The following RABGAP1L variants were observed in gnomAD, a reference collection of about 807,000 sequenced individuals.
The protein encoded by RABGAP1L is rab GTPase-activating protein 1-like.
RABGAP1L carries 63 observed loss-of-function variants against 137.7 expected under a neutral mutation model. The observed-to-expected ratio is 0.46, with a 90% CI of 0.37 to 0.56. The LOEUF (loss-of-function observed/expected upper bound fraction) is 0.56, where lower values mean the gene tolerates loss of function less well. Among genes scored for constraint, RABGAP1L ranks in the 20% least tolerant of loss-of-function variants. The probability of loss-of-function intolerance (pLI) is 0.00; values close to 1 mark genes in which losing one functional copy is unlikely to be tolerated. For synonymous variants in RABGAP1L, 431 were observed against 433.7 expected, an observed-to-expected ratio of 0.99 and a Z score of 0.08; for missense variants, 1,095 against 1,244.0, an observed-to-expected ratio of 0.88 and a Z score of 1.80.
intron 11 of RABGAP1L, among the ~76,000 whole-genome samples, chr1:174,316,278 T>C (rs919104711): frequency 6.6e-5 from 10 of 152,234 alleles, no homozygotes; most frequent in Non-Finnish European, 7.3e-5. Context: ...CATATTTTCC[T>C]GGATGGTGTT....
chr1:174,401,426 G>T (rs1648569539), intron 13 of RABGAP1L, among the ~76,000 whole-genome samples: 1 of 152,138 alleles, frequency 6.6e-6, no homozygotes, highest in African/African-American at 2.4e-5. Context: ...CCCGTGATGG[G>T]GAATGAGGAA....
chr1:174,689,957 A>G (rs191025886), intron 15 of RABGAP1L, among the ~76,000 whole-genome samples: 3 of 152,334 alleles, frequency 2.0e-5, no homozygotes, highest in Admixed American at 6.5e-5. Context: ...AGTAAGTCCT[A>G]TACTTCCAAA....
intron 11 of RABGAP1L, among the ~76,000 whole-genome samples, chr1:174,347,867 A>G (rs753781089): frequency 6.6e-5 from 10 of 151,790 alleles, no homozygotes; most frequent in South Asian, 2.1e-4. Flanking sequence ...TATCTTTTCT[A>G]TCCCTTTATT....
intron 14 of RABGAP1L, among the ~76,000 whole-genome samples, chr1:174,669,736 G>T (rs775575464): frequency 6.6e-6 from 1 of 152,178 alleles, no homozygotes; most frequent in South Asian, 2.1e-4. Context: ...TGAAGAGACT[G>T]TTCTTTCCAC....
At chr1:174,821,970 A>AT (rs1231800792) in intron 19 of RABGAP1L, among the ~76,000 whole-genome samples, 1 of 152,238 alleles carries the variant, frequency 6.6e-6, no homozygotes, top group Non-Finnish European at 1.5e-5. Flanking sequence ...TAATTAACAC[A>AT]TTGATAATAA....
At chr1:174,274,606 CTGTGTG>C (rs61468070) in intron 8 of RABGAP1L, among the ~76,000 whole-genome samples, 16 of 146,156 alleles carry the variant, frequency 1.1e-4, no homozygotes, top group African/African-American at 1.8e-4. Context: ...ACAGGTGACT[CTGTGTG>C]TGTGTGTGTG....
At chr1:174,348,874 G>A (rs188410361) in intron 11 of RABGAP1L, among the ~76,000 whole-genome samples, 6,484 of 151,864 alleles carry the variant, frequency 0.043, 109 homozygotes, top group African/African-American at 0.14. Flanking sequence ...ACACAGACAC[G>A]GCAACCATCC....
At chr1:174,512,327 T>C (rs751442271) in intron 13 of RABGAP1L, among the ~76,000 whole-genome samples, 2 of 152,210 alleles carry the variant, frequency 1.3e-5, no homozygotes, top group Non-Finnish European at 2.9e-5. Flanking sequence ...ATTGCCACTA[T>C]TATAGCCCCT....
chr1:174,376,633 A>G (rs1228415451), intron 12 of RABGAP1L, among the ~76,000 whole-genome samples: 2 of 152,240 alleles, frequency 1.3e-5, no homozygotes, highest in Admixed American at 6.5e-5. Context: ...CATTTGACCC[A>G]ATTCAGCATT....
intron 13 of RABGAP1L, among the ~76,000 whole-genome samples, chr1:174,522,380 T>C (rs772268088): frequency 1.3e-5 from 2 of 151,946 alleles, no homozygotes; most frequent in Non-Finnish European, 2.9e-5. Flanking sequence ...TGTTCGAGAC[T>C]AGCCTAGGCT....
intron 14 of RABGAP1L, among the ~76,000 whole-genome samples, chr1:174,652,492 A>G (rs1177407474): frequency 6.6e-6 from 1 of 151,918 alleles, no homozygotes; most frequent in Non-Finnish European, 1.5e-5. Context: ...TTTTGCGTGG[A>G]TGTCCTTTTT....
At chr1:174,790,766 A>AGTTT (rs1553253102) in intron 18 of RABGAP1L, among the ~76,000 whole-genome samples, 1 of 137,172 alleles carries the variant, frequency 7.3e-6, no homozygotes, top group African/African-American at 2.7e-5. Flanking sequence ...TGAAGCCATG[A>AGTTT]GTGTGTGTGT....
At chr1:174,822,768 C>A (rs759008057) in intron 19 of RABGAP1L, among the ~76,000 whole-genome samples, 7 of 152,198 alleles carry the variant, frequency 4.6e-5, no homozygotes, top group Non-Finnish European at 1.5e-5. Flanking sequence ...CTGTGTGGCC[C>A]GGTTCCTAAT....
chr1:174,709,845 A>G (rs563724581), intron 17 of RABGAP1L, among the ~76,000 whole-genome samples: 1 of 152,354 alleles, frequency 6.6e-6, no homozygotes, highest in East Asian at 1.9e-4. Context: ...TGACATAAGT[A>G]GGCTTCAGAA....
intron 13 of RABGAP1L, among the ~76,000 whole-genome samples, chr1:174,405,408 A>G (rs143833091): frequency 1.3e-3 from 196 of 152,278 alleles, no homozygotes; most frequent in African/African-American, 4.6e-3. Context: ...GTTCTCTGTC[A>G]TCACCTTGTC....
rs527435910 is a variant in RABGAP1L at position 174,363,101 on chromosome 1, G to A, written c.1466-7878G>A. On this transcript the variant is annotated intron_variant, in intron 11 of 25. Transcript: ENST00000681986. ...TGTTGCAGATAGTTGTAGATGTGTG[G>A]TCTTATTCTTGGGTTCTCTATTCTG... Among the ~76,000 whole-genome samples, 10 of 152,200 alleles carry A rather than the reference G, an allele frequency of 6.6e-5. No individual in the cohort carries two copies. In the South Asian group the frequency reaches 2.1e-3, roughly 32 times the overall value.
intron 13 of RABGAP1L, among the ~76,000 whole-genome samples, chr1:174,550,104 A>G (rs563101422): frequency 6.6e-6 from 1 of 152,320 alleles, no homozygotes; most frequent in African/African-American, 2.4e-5. Context: ...TTATTTTTCT[A>G]CTACAGTAAT....
At chr1:174,179,158 C>A (rs1175973675) in intron 1 of RABGAP1L, among the ~76,000 whole-genome samples, 10 of 152,128 alleles carry the variant, frequency 6.6e-5, no homozygotes, top group Non-Finnish European at 5.9e-5. Flanking sequence ...GATCCTCTTG[C>A]CTTAGCCTAA....
At chr1:174,910,737 A>G (rs1332059555) in intron 19 of RABGAP1L, among the ~76,000 whole-genome samples, 2 of 152,206 alleles carry the variant, frequency 1.3e-5, no homozygotes, top group African/African-American at 4.8e-5. Context: ...TCAACATACA[A>G]AAATCATAAT....
Sources: allele counts gnomAD v4.1 joint callset (sites outside exome capture counted in the v4.1 genomes callset), GRCh38; gene constraint gnomAD v4.1.1; transcripts MANE v1.5; gene names NCBI Gene and HGNC (gene_info 2026-07-23, HGNC 2026-07-21).